The following PCDH7 variants were observed in gnomAD, a reference collection of about 807,000 sequenced individuals.
The protein encoded by PCDH7 is protocadherin 7, also known as protocadherin-7.
A neutral mutation model predicts 58.9 loss-of-function variants in PCDH7; 17 were observed. That is an observed-to-expected ratio of 0.29 (90% CI 0.20 to 0.43). The LOEUF (loss-of-function observed/expected upper bound fraction) is 0.43. PCDH7 is among the 20% of genes least tolerant of loss of function. The pLI is 1.00. For missense variants in PCDH7, 1,274 were observed against 1,441.0 expected, an observed-to-expected ratio of 0.88 and a Z score of 1.88; for synonymous variants, 664 against 616.4, an observed-to-expected ratio of 1.08 and a Z score of -1.14.
intron 3 of PCDH7, among the ~76,000 whole-genome samples, chr4:31,087,861 T>C (rs963704170): frequency 3.1e-4 from 47 of 152,228 alleles, no homozygotes; most frequent in African/African-American, 1.1e-3. Context: ...TATTAACATG[T>C]AGTAGGTGCT....
intron 3 of PCDH7, among the ~76,000 whole-genome samples, chr4:30,995,821 A>G (rs1381787018): frequency 6.6e-6 from 1 of 152,002 alleles, no homozygotes; most frequent in East Asian, 1.9e-4. Context: ...TATACTTCTA[A>G]CACTGAATCT....
intron 3 of PCDH7, among the ~76,000 whole-genome samples, chr4:31,108,762 G>A (rs150218190): frequency 9.3e-4 from 141 of 152,168 alleles, no homozygotes; most frequent in African/African-American, 3.1e-3. Context: ...TACACATTGA[G>A]CATTATATGC....
At chr4:31,126,506 T>C (rs1398341199) in intron 3 of PCDH7, among the ~76,000 whole-genome samples, 4 of 152,162 alleles carry the variant, frequency 2.6e-5, no homozygotes, top group Non-Finnish European at 5.9e-5. Context: ...GTTATAGTAC[T>C]ACAATAGTGG....
chr4:30,884,107 C>T (rs1026691036), intron 1 of PCDH7, among the ~76,000 whole-genome samples: 3 of 152,004 alleles, frequency 2.0e-5, no homozygotes, highest in Non-Finnish European at 2.9e-5. Context: ...AGAACAAATT[C>T]TAAATACCAT....
At chr4:30,954,856 C>T (rs1377599181) in intron 3 of PCDH7, among the ~76,000 whole-genome samples, 3 of 152,118 alleles carry the variant, frequency 2.0e-5, no homozygotes, top group African/African-American at 7.2e-5. Flanking sequence ...CTCCCTGGAG[C>T]ATGGTTTCCT....
At chr4:31,115,462 G>T (rs1178014112) in intron 3 of PCDH7, among the ~76,000 whole-genome samples, 1 of 152,074 alleles carries the variant, frequency 6.6e-6, no homozygotes, top group Non-Finnish European at 1.5e-5. Flanking sequence ...TATTTAATAA[G>T]AATTCTTTAT....
intron 1 of PCDH7, among the ~76,000 whole-genome samples, chr4:30,870,268 T>G (rs1735405970): frequency 6.6e-6 from 1 of 152,138 alleles, no homozygotes; most frequent in South Asian, 2.1e-4. Flanking sequence ...TATTTTGCTG[T>G]GCAGAAGCTC....
intron 3 of PCDH7, among the ~76,000 whole-genome samples, chr4:30,992,095 G>A (rs1031626358): frequency 6.6e-6 from 1 of 152,084 alleles, no homozygotes; most frequent in Non-Finnish European, 1.5e-5. Context: ...TCAAAAAACA[G>A]GGATCATAAT....
intron 3 of PCDH7, among the ~76,000 whole-genome samples, chr4:31,034,816 AAT>A (rs202113413): frequency 1.6e-4 from 24 of 152,196 alleles, no homozygotes; most frequent in African/African-American, 5.5e-4. Flanking sequence ...ATTTAAAAAA[AAT>A]AATAGAACTT....
intron 3 of PCDH7, among the ~76,000 whole-genome samples, chr4:31,118,813 A>G (rs1326860511): frequency 1.3e-5 from 2 of 152,224 alleles, no homozygotes; most frequent in Non-Finnish European, 2.9e-5. Context: ...TAAAACATTC[A>G]GAAAACTTGA....
At chr4:30,784,549 T>C (rs1209754527) in intron 1 of PCDH7, among the ~76,000 whole-genome samples, 1 of 152,138 alleles carries the variant, frequency 6.6e-6, no homozygotes, top group African/African-American at 2.4e-5. Flanking sequence ...GGGGATGCTT[T>C]TAAGTTAAAA....
At chr4:31,077,315 A>C (rs1759083255) in intron 3 of PCDH7, among the ~76,000 whole-genome samples, 1 of 151,838 alleles carries the variant, frequency 6.6e-6, no homozygotes. Flanking sequence ...AGGCTGAGGC[A>C]AGAGAATCAC....
At chr4:30,781,685 C>A (rs1408675721) in intron 1 of PCDH7, among the ~76,000 whole-genome samples, 1 of 151,852 alleles carries the variant, frequency 6.6e-6, no homozygotes. Context: ...TACAGGCATG[C>A]GCCACCATGC....
chr4:31,112,417 C>T lies in PCDH7; in HGVS notation c.*8-30056C>T, dbSNP rs191897458. 5.9e-5 allele frequency among the ~76,000 whole-genome samples: 9 copies of T among 151,934 alleles called. No individual in the cohort carries two copies. In the East Asian group the frequency reaches 1.7e-3, roughly 29 times the overall value. On this transcript the variant is annotated intron_variant, in intron 3 of 3. Coordinates refer to the PCDH7 transcript ENST00000509759. ...GTAATGATTTACATTTTCATAAAAT[C>T]TACTATTAGGACAGCAAATTTATAA...
At chr4:30,772,640 T>C (rs1056450079) in intron 1 of PCDH7, among the ~76,000 whole-genome samples, 2 of 152,198 alleles carry the variant, frequency 1.3e-5, no homozygotes, top group African/African-American at 4.8e-5. Context: ...ATATGCCTTC[T>C]GAAGGACTGT....
In PCDH7 at chr4:30,969,915, A is replaced by G. The variant is rs576849282; in HGVS notation, c.*7+19700A>G. 2.0e-5 allele frequency among the ~76,000 whole-genome samples: 3 copies of G among 152,298 alleles called. No individual in the cohort carries two copies. The East Asian group carries it at 5.8e-4, about 29-fold the overall frequency. ...TCCATAGATAGATTTCACCTAAATTAAAGAGGTAAGTATTATCTGTCTACC... is the reference window on the plus strand; with the variant it reads ...TCCATAGATAGATTTCACCTAAATTGAAGAGGTAAGTATTATCTGTCTACC... On this transcript the variant is annotated intron_variant, in intron 3 of 3. Coordinates refer to the PCDH7 transcript ENST00000509759.
intron 1 of PCDH7, among the ~76,000 whole-genome samples, chr4:30,845,499 T>C (rs1469037683): frequency 6.6e-6 from 1 of 152,138 alleles, no homozygotes; most frequent in Non-Finnish European, 1.5e-5. Flanking sequence ...ACCACTTACA[T>C]TGTGGTGTGC....
At chr4:30,933,861 A>G (rs1483250784) in intron 2 of PCDH7, among the ~76,000 whole-genome samples, 1 of 152,232 alleles carries the variant, frequency 6.6e-6, no homozygotes, top group Non-Finnish European at 1.5e-5. Flanking sequence ...ATCTTTAATT[A>G]TATGAATACT....
At chr4:31,029,429 A>G (rs35800293) in intron 3 of PCDH7, among the ~76,000 whole-genome samples, 24,778 of 152,180 alleles carry the variant, frequency 0.16, 2,683 homozygotes, top group Middle Eastern at 0.27. Flanking sequence ...GGAGTCTAGA[A>G]CAAAGTGTTG....
Sources: allele counts gnomAD v4.1 joint callset (sites outside exome capture counted in the v4.1 genomes callset), GRCh38; gene constraint gnomAD v4.1.1; transcripts MANE v1.5; gene names NCBI Gene and HGNC (gene_info 2026-07-23, HGNC 2026-07-21).